CCDC148: variants seen among roughly 807,000 people sequenced by gnomAD.
CCDC148 encodes coiled-coil domain containing 148.
A neutral mutation model predicts 85.7 loss-of-function variants in CCDC148; 89 were observed. The ratio of observed to expected loss-of-function variants is 1.04; its 90% confidence interval spans 0.87 to 1.24. The LOEUF is 1.24. CCDC148 is among the 50% of genes most tolerant of loss of function. The pLI is 0.00. For synonymous variants in CCDC148, 230 were observed against 213.9 expected, an observed-to-expected ratio of 1.08 and a Z score of -0.66; for missense variants, 692 against 671.7, an observed-to-expected ratio of 1.03 and a Z score of -0.33.
intron 1 of CCDC148, among the ~76,000 whole-genome samples, chr2:158,431,731 G>C (rs182337741): frequency 2.0e-5 from 3 of 152,236 alleles, no homozygotes; most frequent in Admixed American, 1.3e-4. Flanking sequence ...TTGAGGTCAG[G>C]GGTTTGAAAC....
intron 7 of CCDC148, among the ~76,000 whole-genome samples, chr2:158,314,498 A>G (rs1226937395): frequency 6.6e-6 from 1 of 152,214 alleles, no homozygotes; most frequent in Non-Finnish European, 1.5e-5. Flanking sequence ...ATCATTTGCA[A>G]ATAGGATCCC....
chr2:158,281,256 A>T (rs1690277412), intron 9 of CCDC148, among the ~76,000 whole-genome samples: 1 of 152,162 alleles, frequency 6.6e-6, no homozygotes, highest in African/African-American at 2.4e-5. Context: ...AAGCTAGCAG[A>T]AGGCAAGAAA....
chr2:158,227,968 A>G (rs1033324767), intron 10 of CCDC148, among the ~76,000 whole-genome samples: 2 of 152,208 alleles, frequency 1.3e-5, no homozygotes, highest in African/African-American at 2.4e-5. Context: ...GGATCTAATT[A>G]AAATAAAGAG....
rs889019044 is a variant in CCDC148, at chr2:158,368,911, ATT to A, written c.26-10343_26-10342del. ...GGCAGTTTTTTTTAACACTGTTAATATTCTTATTCTTCTCTTTTCTAAGAAAA... is the reference window on the plus strand; with the variant it reads ...GGCAGTTTTTTTTAACACTGTTAATACTTATTCTTCTCTTTTCTAAGAAAA... On this transcript the variant is annotated intron_variant, in intron 1 of 13. Transcript: ENST00000283233. Among the ~76,000 whole-genome samples, 8 of 152,206 alleles carry A rather than the reference ATT, an allele frequency of 5.3e-5. No homozygotes were observed. The South Asian group carries it at 1.5e-3, about 28-fold the overall frequency.
intron 1 of CCDC148, among the ~76,000 whole-genome samples, chr2:158,389,848 C>T (rs1031213214): frequency 2.0e-5 from 3 of 152,190 alleles, no homozygotes; most frequent in Non-Finnish European, 4.4e-5. Flanking sequence ...TTTTAAAATG[C>T]TATTGTCAAA....
chr2:158,398,431 T>C (rs1685626673), intron 1 of CCDC148, among the ~76,000 whole-genome samples: 1 of 151,860 alleles, frequency 6.6e-6, no homozygotes, highest in African/African-American at 2.4e-5. Flanking sequence ...AGCTGTCTCT[T>C]AGAATGCAGT....
intron 9 of CCDC148, among the ~76,000 whole-genome samples, chr2:158,279,644 A>G (rs1394512566): frequency 4.6e-5 from 7 of 152,324 alleles, no homozygotes; most frequent in Non-Finnish European, 7.3e-5. Context: ...CCAAATCTAC[A>G]TCTGATTGGT....
intron 2 of CCDC148, among the ~76,000 whole-genome samples, chr2:158,351,644 G>C (rs1683298975): frequency 6.6e-6 from 1 of 152,192 alleles, no homozygotes; most frequent in Non-Finnish European, 1.5e-5. Flanking sequence ...CAGCGAGGCT[G>C]GGGGAGGGGC....
rs182847998 is a variant in CCDC148, at chr2:158,219,311, T to G, written c.1370+1284A>C. Among the ~76,000 whole-genome samples, 6 of 152,320 alleles carry G rather than the reference T, an allele frequency of 3.9e-5. No individual in the cohort carries two copies. In the East Asian group the frequency reaches 9.6e-4, roughly 24 times the overall value. On this transcript the variant is annotated intron_variant, in intron 11 of 13. Coordinates refer to ENST00000283233, the MANE Select transcript of CCDC148 (RefSeq NM_138803.4). ...TCTTTGGTGAAAATCACTAAGGAGCTAGCTAAATTAGATAACTATGCCAGT... is the reference window on the plus strand; with the variant it reads ...TCTTTGGTGAAAATCACTAAGGAGCGAGCTAAATTAGATAACTATGCCAGT...
intron 7 of CCDC148, among the ~76,000 whole-genome samples, chr2:158,325,665 C>T (rs964685686): frequency 3.9e-5 from 6 of 152,162 alleles, no homozygotes; most frequent in African/African-American, 1.2e-4. Flanking sequence ...TCAACCTCAT[C>T]GTGTCCAAAC....
chr2:158,443,576 G>A (rs1181085838), intron 1 of CCDC148, among the ~76,000 whole-genome samples: 1 of 151,292 alleles, frequency 6.6e-6, no homozygotes, highest in African/African-American at 2.4e-5. Flanking sequence ...CATAGGTTCT[G>A]GAAAACTGAA....
chr2:158,260,720 T>C (rs1254500017), intron 9 of CCDC148, among the ~76,000 whole-genome samples: 1 of 151,828 alleles, frequency 6.6e-6, no homozygotes, highest in African/African-American at 2.4e-5. Context: ...ATACACCAAC[T>C]ACAGCCAAGC....
intron 2 of CCDC148, among the ~76,000 whole-genome samples, chr2:158,349,349 C>T (rs112544422): frequency 6.6e-6 from 1 of 151,490 alleles, no homozygotes; most frequent in Non-Finnish European, 1.5e-5. Flanking sequence ...GTAAAATAAA[C>T]AGGGAAGTAG....
intron 1 of CCDC148, among the ~76,000 whole-genome samples, chr2:158,362,542 A>G (rs1684003765): frequency 6.6e-6 from 1 of 152,198 alleles, no homozygotes; most frequent in Non-Finnish European, 1.5e-5. Context: ...CTACATGGAA[A>G]CTGAACAACC....
intron 10 of CCDC148, among the ~76,000 whole-genome samples, chr2:158,222,833 G>T (rs933695492): frequency 6.6e-6 from 1 of 152,128 alleles, no homozygotes; most frequent in Non-Finnish European, 1.5e-5. Context: ...TCAGATACTT[G>T]GAGTGGAGCC....
chr2:158,202,119 T>C (rs1685996156), intron 11 of CCDC148, among the ~76,000 whole-genome samples: 1 of 152,238 alleles, frequency 6.6e-6, no homozygotes, highest in African/African-American at 2.4e-5. Context: ...TGAAATTTTA[T>C]GAATAATTAA....
chr2:158,332,358 G>A (rs1471436448), intron 7 of CCDC148, among the ~76,000 whole-genome samples: 1 of 150,440 alleles, frequency 6.6e-6, no homozygotes, highest in Non-Finnish European at 1.5e-5. Flanking sequence ...GGCTTGGAGA[G>A]TTTCTGCCGA....
At chr2:158,310,519 C>A (rs561291472) in intron 8 of CCDC148, among the ~76,000 whole-genome samples, 5 of 151,710 alleles carry the variant, frequency 3.3e-5, no homozygotes, top group Non-Finnish European at 7.4e-5. Context: ...GGGCCCCCCA[C>A]CCCCCAGACG....
intron 1 of CCDC148, among the ~76,000 whole-genome samples, chr2:158,374,665 G>A (rs547256363): frequency 6.8e-4 from 101 of 147,628 alleles, no homozygotes; most frequent in African/African-American, 2.4e-3. Flanking sequence ...TTTTATATAT[G>A]AGTGTATATA....
Sources: allele counts gnomAD v4.1 joint callset (sites outside exome capture counted in the v4.1 genomes callset), GRCh38; gene constraint gnomAD v4.1.1; transcripts MANE v1.5; gene names NCBI Gene and HGNC (gene_info 2026-07-23, HGNC 2026-07-21).